The following SLC35E1 variants were observed in gnomAD, a reference collection of about 807,000 sequenced individuals.
The protein encoded by SLC35E1 is solute carrier family 35, member E1.
A neutral mutation model predicts 31.0 loss-of-function variants in SLC35E1; 12 were observed. The ratio of observed to expected loss-of-function variants is 0.39; its 90% CI spans 0.25 to 0.63. The LOEUF (loss-of-function observed/expected upper bound fraction) is 0.63. SLC35E1 is among the 20% of genes least tolerant of loss of function. The pLI, the probability that SLC35E1 is intolerant of heterozygous loss-of-function variation, is 0.52. For missense variants in SLC35E1, 429 were observed against 572.2 expected (o/e 0.75, Z 2.55); for synonymous variants, 257 against 264.1 (o/e 0.97, Z 0.26).
Position 16,555,744 on chromosome 19 carries a change from G to T in SLC35E1, c.757-347C>A. 1 of 308,634 alleles carries T rather than the reference G, an allele frequency of 3.2e-6. No individual in the cohort carries two copies. Among genetic ancestry groups the T allele is most frequent in the South Asian group, 3.7e-5 (1 of 26,814 alleles). 19.1% of individuals were successfully genotyped at this position (308,634 alleles called of 1,614,324 possible). A position where few individuals can be genotyped will look rare whatever the true frequency, so the allele number is the denominator to read the frequency against. On this transcript the variant is annotated intron_variant, in intron 4 of 5. Transcript: ENST00000595753. This position sits in a 1 kb window ranked among gnomAD's most constrained non-coding sequence, Gnocchi z 4.1. ...TTGGCAAAGCAGGGATCTGCTTGTT[G>T]GACGCAATGCATTCTACAGGGTTGG...
rs2085873093 is a variant in SLC35E1 at position 16,555,908 on chromosome 19, G to A, written c.757-511C>T. The A allele has an allele frequency of 6.3e-6, 1 of 157,948 alleles. No homozygotes were observed. The highest frequency in any genetic ancestry group is 6.2e-5 in the Admixed American group (1 of 16,214). 9.8% of individuals were successfully genotyped at this position (157,948 alleles called of 1,614,324 possible). On this transcript the variant is annotated intron_variant, in intron 4 of 5. Transcript: ENST00000595753. This position sits in a 1 kb window ranked among gnomAD's most constrained non-coding sequence, Gnocchi z 4.1. Reference sequence around the variant, plus strand: ...ACAATCTCAAGCCAAACAAACACAAGAGGTGACGTTACCATCAACAGCTGA... The same window carrying A: ...ACAATCTCAAGCCAAACAAACACAAAAGGTGACGTTACCATCAACAGCTGA...
rs559317310 is a variant in SLC35E1, at chr19:16,554,449, C to T, written c.1003-540G>A. ...GTTCAAGTGCTTTGGGAGGCCTAGG[C>T]GGGAGGATCACTTGAGGCTAGGAGT... On this transcript the variant is annotated intron_variant, in intron 5 of 5. Coordinates refer to ENST00000595753, the MANE Select transcript of SLC35E1 (RefSeq NM_024881.5). Among the ~76,000 whole-genome samples, 42 of 152,118 alleles carry T rather than the reference C, an allele frequency of 2.8e-4. 1 individual carries two copies. The highest frequency in any genetic ancestry group is 2.0e-3 in the Admixed American group (31 of 15,266).
rs1201872324 is a variant in SLC35E1 at position 16,555,439 on chromosome 19, C to T, written c.757-42G>A. The T allele has an allele frequency of 2.5e-6, 4 of 1,600,960 alleles. No individual in the cohort carries two copies. Among genetic ancestry groups the T allele is most frequent in the Admixed American group, 1.7e-5 (1 of 59,368 alleles). On this transcript the variant is annotated intron_variant, in intron 4 of 5. Transcript: ENST00000595753. The surrounding 1 kb of genome is among the most constrained non-coding windows in gnomAD (Gnocchi z 4.1). ...GTAAAGACAGCACTTCAGTGGGCAG[C>T]GGTGACCCTGCCTCCCTGTATCCAC... is the stretch of plus-strand genomic sequence containing the variant.
rs1425464635 is a variant in SLC35E1, at chr19:16,555,997, T to C, written c.757-600A>G. Among the ~76,000 whole-genome samples, 1 of 152,088 alleles carries C rather than the reference T, an allele frequency of 6.6e-6. No homozygotes were observed. Among genetic ancestry groups the C allele is most frequent in the African/African-American group, 2.4e-5 (1 of 41,418 alleles). On this transcript the variant is annotated intron_variant, in intron 4 of 5. Transcript: ENST00000595753. This position sits in a 1 kb window ranked among gnomAD's most constrained non-coding sequence, Gnocchi z 4.1. ...TTGGGAGGCCGATGCAGCTGGATCA[T>C]CTGAGGTCAGGAGTTCAAGACCAGC...
chr19:16,563,090 G>A (rs1025604226), intron 4 of SLC35E1, among the ~76,000 whole-genome samples: 1 of 152,140 alleles, frequency 6.6e-6, no homozygotes, highest in Non-Finnish European at 1.5e-5. Context: ...GGAGGCCGAA[G>A]TGGGTGGATC....
At chr19:16,571,646 TCCA>T in intron 1 of SLC35E1, 64 bp from the exon 2 acceptor site, 4 of 1,567,712 alleles carry the variant, frequency 2.6e-6, no homozygotes, top group Middle Eastern at 3.6e-4. Context: ...CTGTTCCACC[TCCA>T]CGGCGGGATG....
Position 16,555,491 on chromosome 19 carries a change from G to A in SLC35E1, c.757-94C>T, listed in dbSNP as rs1394235235. ...TGGCAGGGTTAGGGGAAGGGATGTG[G>A]AGGGGCTCATCTGGAGCCTCATGGT... On this transcript the variant is annotated intron_variant, in intron 4 of 5. Transcript: ENST00000595753. This position sits in a 1 kb window ranked among gnomAD's most constrained non-coding sequence, Gnocchi z 4.1. 3.3e-6 allele frequency: 5 copies of A among 1,514,064 alleles called. No homozygotes were observed. The highest frequency in any genetic ancestry group is 2.4e-4 in the Middle Eastern group (1 of 4,158). 93.8% of individuals were successfully genotyped at this position (1,514,064 alleles called of 1,614,324 possible).
At chr19:16,562,283 A>G (rs561922728) in intron 4 of SLC35E1, among the ~76,000 whole-genome samples, 94 of 152,346 alleles carry the variant, frequency 6.2e-4, no homozygotes, top group African/African-American at 2.2e-3. Context: ...CAGGAAACCC[A>G]CTGACACTAT....
At position 16,572,234 on chromosome 19, in the gene SLC35E1, C is replaced by G. The variant is rs1220846427; in HGVS notation, c.131G>C (p.Gly44Ala). The G allele has an allele frequency of 3.3e-6, 5 of 1,524,474 alleles. No homozygotes were observed. Among genetic ancestry groups the G allele is most frequent in the Non-Finnish European group, 4.4e-6 (5 of 1,135,198 alleles). 94.4% of individuals were successfully genotyped at this position (1,524,474 alleles called of 1,614,324 possible). ...CLLWYALSAG[G>A]NVVNKVILSA... ...CAGGATCACCTTGTTGACCACGTTG[C>G]CGCCCGCGCTCAGCGCGTACCACAG... Residue 44 changes from glycine (G) to alanine (A), a missense_variant, in exon 1 of 6, where the codon GGC becomes GCC. Physicochemically the swap from Gly to Ala is moderately conservative, Grantham distance 60 (BLOSUM62 0). Coordinates refer to ENST00000595753, the MANE Select transcript of SLC35E1 (RefSeq NM_024881.5). This position sits in a 1 kb window ranked among gnomAD's most constrained non-coding sequence, Gnocchi z 4.1.
At chr19:16,556,249 T>C (rs1445003336) in intron 4 of SLC35E1, among the ~76,000 whole-genome samples, 9 of 149,164 alleles carry the variant, frequency 6.0e-5, no homozygotes, top group Middle Eastern at 7.1e-3. Flanking sequence ...AGGTTGGGCG[T>C]GGTGGCTCAT....
At chr19:16,564,982 A>G (rs1387490917) in intron 4 of SLC35E1, 4 of 373,810 alleles carry the variant, frequency 1.1e-5, no homozygotes, top group Non-Finnish European at 1.6e-5. Context: ...AGGATTAAAG[A>G]TAAGAAATGT....
At position 16,561,468 on chromosome 19, in the gene SLC35E1, C is replaced by G. The variant is rs551105054; in HGVS notation, c.756+5064G>C. 1.2e-3 allele frequency among the ~76,000 whole-genome samples: 183 copies of G among 152,208 alleles called. 1 individual carries two copies. Among genetic ancestry groups the G allele is most frequent in the African/African-American group, 4.3e-3 (178 of 41,530 alleles). On this transcript the variant is annotated intron_variant, in intron 4 of 5. Coordinates refer to ENST00000595753, the MANE Select transcript of SLC35E1 (RefSeq NM_024881.5). ...AAGGCACTCTGAATTCTGGTCTTTC[C>G]TCCGCCCATCTGCCTGCTACCATTT...
chr19:16,563,831 G>A (rs2085918938), intron 4 of SLC35E1, among the ~76,000 whole-genome samples: 1 of 152,192 alleles, frequency 6.6e-6, no homozygotes, highest in African/African-American at 2.4e-5. Context: ...ATTGTGCTGT[G>A]AGAATGCTCA....
chr19:16,558,105 G>A (rs982468652), intron 4 of SLC35E1, among the ~76,000 whole-genome samples: 2 of 151,694 alleles, frequency 1.3e-5, no homozygotes, highest in African/African-American at 2.4e-5. Context: ...GTGCAATGGT[G>A]CGATCTCAGC....
Position 16,572,332 on chromosome 19 carries a change from G to C in SLC35E1, c.33C>G (p.Gly11=). MAAAAVGAGH[G]AGGPGAASSS... The stretch of plus-strand genomic sequence containing the variant: ...TGCTCGCTGCGCCCGGGCCCCCCGC[G>C]CCGTGGCCCGCGCCCACCGCGGCCG... Residue 11 remains glycine, a synonymous_variant, in exon 1 of 6, where the codon GGC becomes GGG. Coordinates refer to ENST00000595753, the MANE Select transcript of SLC35E1 (RefSeq NM_024881.5). The surrounding 1 kb of genome is among the most constrained non-coding windows in gnomAD (Gnocchi z 4.1). 2 of 1,141,416 alleles carry C rather than the reference G, an allele frequency of 1.8e-6. No homozygotes were observed. The highest frequency in any genetic ancestry group is 2.2e-6 in the Non-Finnish European group (2 of 924,890). 70.7% of individuals were successfully genotyped at this position (1,141,416 alleles called of 1,614,324 possible).
chr19:16,560,005 G>C (rs2085896580), intron 4 of SLC35E1, among the ~76,000 whole-genome samples: 1 of 152,200 alleles, frequency 6.6e-6, no homozygotes, highest in Non-Finnish European at 1.5e-5. Flanking sequence ...CCAGCCTTCT[G>C]TGGGTTGTGG....
At position 16,555,331 on chromosome 19, in the gene SLC35E1, G is replaced by A; in HGVS notation, c.823C>T (p.Gln275Ter). ...AGGATGCTGAAGGCGATAACATTCT[G>A]GGCAAAGTTACAGAAGCCGCTGACA... is the stretch of plus-strand genomic sequence containing the variant. ...LAVSGFCNFA[Q>*]NVIAFSILNL... The change falls in exon 5 of 6, where the codon CAG (glutamine) becomes TAG (stop). Residue 275 changes from glutamine to a stop codon, truncating the protein, a stop_gained. Transcript: ENST00000595753. LOFTEE classifies it high-confidence loss of function. This position sits in a 1 kb window ranked among gnomAD's most constrained non-coding sequence, Gnocchi z 4.1. 1 of 1,614,154 alleles carries A rather than the reference G, an allele frequency of 6.2e-7. No individual in the cohort carries two copies. The highest frequency in any genetic ancestry group is 8.5e-7 in the Non-Finnish European group (1 of 1,180,030).
Position 16,555,446 on chromosome 19 carries a change from C to A in SLC35E1, c.757-49G>T. ...CAGCACTTCAGTGGGCAGCGGTGAC[C>A]CTGCCTCCCTGTATCCACCTGGCAG... On this transcript the variant is annotated intron_variant, in intron 4 of 5. Coordinates refer to ENST00000595753, the MANE Select transcript of SLC35E1 (RefSeq NM_024881.5). The surrounding 1 kb of genome is among the most constrained non-coding windows in gnomAD (Gnocchi z 4.1). 1 of 1,595,104 alleles carries A rather than the reference C, an allele frequency of 6.3e-7. No individual in the cohort carries two copies.
rs540729933 is a variant in SLC35E1 at position 16,566,594 on chromosome 19, A to C, written c.694T>G (p.Phe232Val). The C allele has an allele frequency of 5.0e-6, 8 of 1,612,720 alleles. No homozygotes were observed. In the East Asian group the frequency reaches 8.9e-5, roughly 18 times the overall value. ...AGAACCCAGGTGGGGATCATAAAGA[A>C]GACGGCGTGGCAGCCCAGGATGTTG... ...LLNILGCHAV[F>V]FMIPTWVLVD... Residue 232 changes from phenylalanine (F) to valine (V), a missense_variant, in exon 4 of 6, where the codon TTC (phenylalanine) becomes GTC (valine). Transcript: ENST00000595753.
Sources: allele counts gnomAD v4.1 joint callset (sites outside exome capture counted in the v4.1 genomes callset), GRCh38; gene constraint gnomAD v4.1.1; non-coding constraint Gnocchi (gnomAD v3.1); transcripts MANE v1.5; gene names NCBI Gene and HGNC (gene_info 2026-07-23, HGNC 2026-07-21).